Variants in YIPF4 observed in about 807,000 individuals in gnomAD.
YIPF4 encodes the protein Yip1 domain family member 4.
Under a neutral mutation model 29.4 loss-of-function variants are expected in YIPF4, and 18 were observed. The observed-to-expected ratio is 0.61, with a 90% CI of 0.42 to 0.91. The LOEUF (loss-of-function observed/expected upper bound fraction) is 0.91. YIPF4 is among the 40% of genes least tolerant of loss of function. The pLI is 0.00. For missense variants in YIPF4, 279 were observed against 282.7 expected (o/e 0.99, Z 0.09); for synonymous variants, 115 against 104.7 (o/e 1.10, Z -0.60).
Position 32,298,222 on chromosome 2 carries a change from T to A in YIPF4, c.406-12T>A. On this transcript the variant is annotated splice_polypyrimidine_tract_variant and intron_variant, in intron 3 of 5. Transcript: ENST00000238831. ...GTATAAAAATATTAATTGCATGATT[T>A]TTCCCCCTAAGGTGGTCTCATGGAT... The A allele has an allele frequency of 6.3e-7, 1 of 1,578,946 alleles. No individual in the cohort carries two copies. The highest frequency in any genetic ancestry group is 8.6e-7 in the Non-Finnish European group (1 of 1,156,298).
chr2:32,281,801 A>G (rs558531867), intron 1 of YIPF4, among the ~76,000 whole-genome samples: 2 of 150,900 alleles, frequency 1.3e-5, no homozygotes, highest in South Asian at 4.2e-4. Flanking sequence ...AGGCTGAGGC[A>G]GGAGAATCAC....
intron 1 of YIPF4, among the ~76,000 whole-genome samples, chr2:32,283,074 C>CAAA (rs78012507): frequency 1.5e-5 from 1 of 68,808 alleles, no homozygotes; most frequent in Non-Finnish European, 2.9e-5. Context: ...GAGACTGTCT[C>CAAA]AAAAAAAAAA....
chr2:32,281,250 T>G (rs1004577193), intron 1 of YIPF4, among the ~76,000 whole-genome samples: 3 of 151,680 alleles, frequency 2.0e-5, no homozygotes, highest in Admixed American at 6.6e-5. Context: ...TTTTTTTTTT[T>G]CCTTTTTTGA....
chr2:32,293,823 G>A lies in YIPF4; in HGVS notation c.405+1475G>A, dbSNP rs1165831547. On this transcript the variant is annotated intron_variant, in intron 3 of 5. Coordinates refer to ENST00000238831, the MANE Select transcript of YIPF4 (RefSeq NM_032312.4). ...AGGCGCCCCTCACCTCCCGGACGGG[G>A]CGGCTGGCCAGGCGGGGGGCTGACC... Among the ~76,000 whole-genome samples, 13 of 148,738 alleles carry A rather than the reference G, an allele frequency of 8.7e-5. 1 individual carries two copies. The highest frequency in any genetic ancestry group is 3.2e-4 in the African/African-American group (13 of 40,252).
intron 1 of YIPF4, among the ~76,000 whole-genome samples, chr2:32,287,651 C>G (rs1480802933): frequency 6.6e-6 from 1 of 152,118 alleles, no homozygotes; most frequent in Non-Finnish European, 1.5e-5. Context: ...AGAAAGGACC[C>G]CATACCCAGT....
At chr2:32,278,733 C>G (rs1044535500) in intron 1 of YIPF4, among the ~76,000 whole-genome samples, 3 of 152,038 alleles carry the variant, frequency 2.0e-5, no homozygotes, top group Non-Finnish European at 4.4e-5. Context: ...ATGTCTTGCC[C>G]GAGTCCCCGT....
chr2:32,295,059 G>A (rs1056006431), intron 3 of YIPF4, among the ~76,000 whole-genome samples: 1 of 151,698 alleles, frequency 6.6e-6, no homozygotes, highest in Non-Finnish European at 1.5e-5. Context: ...AGAGGGGGAG[G>A]GGGAGGGGGA....
At position 32,309,111 on chromosome 2, in the gene YIPF4, T is replaced by G. The variant is rs1057309390; in HGVS notation, c.*3485T>G. 9 of 152,254 alleles carry G rather than the reference T, an allele frequency of 5.9e-5. No individual in the cohort carries two copies. In the South Asian group the frequency reaches 1.7e-3, roughly 28 times the overall value. The allele number at this position is 152,254 out of a possible 1,614,324, so 9.4% of individuals were successfully genotyped here. The stretch of plus-strand genomic sequence containing the variant: ...AGTAGTTTAGGAAGATTTGTAAAGC[T>G]TATGAACCATTGTAAAACCTTATTT... On this transcript the variant is annotated 3_prime_UTR_variant, in exon 6 of 6. Coordinates refer to ENST00000238831, the MANE Select transcript of YIPF4 (RefSeq NM_032312.4).
rs915091340 is a variant in YIPF4 at position 32,301,936 on chromosome 2, C to A, written c.597+441C>A. Among the ~76,000 whole-genome samples, 10 of 152,244 alleles carry A rather than the reference C, an allele frequency of 6.6e-5. No homozygotes were observed. The East Asian group carries it at 1.5e-3, about 23-fold the overall frequency. On this transcript the variant is annotated intron_variant, in intron 5 of 5. Transcript: ENST00000238831. ...GCCAGACTGGTCTTGAACTCCTGAC[C>A]TCAGGTGATCTGCCTGCCTTGGCCT...
intron 4 of YIPF4, among the ~76,000 whole-genome samples, chr2:32,300,790 G>T (rs1470274967): frequency 6.6e-6 from 1 of 152,166 alleles, no homozygotes; most frequent in Non-Finnish European, 1.5e-5. Context: ...GCTTTCCGGA[G>T]CAAAGCAGTG....
rs188099683 is a variant in YIPF4, at chr2:32,279,293, T to A, written c.79+1059T>A. On this transcript the variant is annotated intron_variant, in intron 1 of 5. Transcript: ENST00000238831. ...GGCCATTTTCAAATTTTTATTACAC[T>A]TCGTGCACCAGTTATTTTCCAGTGA... Among the ~76,000 whole-genome samples the A allele has an allele frequency of 7.4e-3, 1,125 of 151,460 alleles. 14 individuals carry two copies. The highest frequency in any genetic ancestry group is 0.026 in the African/African-American group (1,080 of 41,330).
chr2:32,297,786 T>C (rs577063855), intron 3 of YIPF4, among the ~76,000 whole-genome samples: 1 of 152,294 alleles, frequency 6.6e-6, no homozygotes, highest in East Asian at 1.9e-4. Flanking sequence ...AATATATGTA[T>C]GTATTGTTAC....
intron 5 of YIPF4, 82 bp from the exon 6 acceptor site, chr2:32,305,407 A>G (rs541179799): frequency 2.2e-6 from 3 of 1,365,006 alleles, no homozygotes; most frequent in Non-Finnish European, 2.9e-6. Context: ...AATATTGTAA[A>G]CACCATTTTT....
chr2:32,289,981 A>T (rs927473959), intron 1 of YIPF4, among the ~76,000 whole-genome samples: 1 of 152,212 alleles, frequency 6.6e-6, no homozygotes. Flanking sequence ...AAATGAAAGA[A>T]TATATGAATA....
intron 5 of YIPF4, 138 bp from the exon 6 acceptor site, chr2:32,305,351 G>C: frequency 1.0e-6 from 1 of 1,004,458 alleles, no homozygotes; most frequent in Non-Finnish European, 1.3e-6. Context: ...TTTAACATTT[G>C]TAACAAGTTT....
chr2:32,290,522 A>G lies in YIPF4; in HGVS notation c.119A>G (p.Asn40Ser). 1.3e-6 allele frequency: 2 copies of G among 1,578,552 alleles called. No homozygotes were observed. The highest frequency in any genetic ancestry group is 2.3e-5 in the South Asian group (2 of 85,428). ...GSIASPDVKLNLGGDFIKEST... is the reference protein window; with the variant it reads ...GSIASPDVKLSLGGDFIKEST... ...ATAGCATCCCCAGATGTCAAATTAA[A>G]TCTTGGTGGAGATTTTATCAAAGAA... The change falls in exon 2 of 6, where the codon AAT becomes AGT. Residue 40 changes from asparagine (N) to serine (S), a missense_variant. Asn to Ser is a conservative substitution (Grantham distance 46). Coordinates refer to ENST00000238831, the MANE Select transcript of YIPF4 (RefSeq NM_032312.4).
In YIPF4 at chr2:32,311,229, G is replaced by C. The variant is rs186495979; in HGVS notation, c.*5603G>C. ...TACATTTTATTTATAACAAACTGGTGAAAATTTTAGACCAAACCATGTCTT... is the reference window on the plus strand; with the variant it reads ...TACATTTTATTTATAACAAACTGGTCAAAATTTTAGACCAAACCATGTCTT... On this transcript the variant is annotated 3_prime_UTR_variant, in exon 6 of 6. Transcript: ENST00000238831. 2 of 152,288 alleles carry C rather than the reference G, an allele frequency of 1.3e-5. No homozygotes were observed. Among genetic ancestry groups the C allele is most frequent in the East Asian group, 3.9e-4 (2 of 5,174 alleles). The allele number at this position is 152,288 out of a possible 1,614,324, so 9.4% of individuals were successfully genotyped here. A position where few individuals can be genotyped will look rare whatever the true frequency, so the allele number is the denominator to read the frequency against.
Position 32,307,024 on chromosome 2 carries a change from T to C in YIPF4, c.*1398T>C. The C allele has an allele frequency of 1.0e-6, 1 of 967,802 alleles. No homozygotes were observed. Among genetic ancestry groups the C allele is most frequent in the Non-Finnish European group, 1.4e-6 (1 of 721,070 alleles). 60.0% of individuals were successfully genotyped at this position (967,802 alleles called of 1,614,324 possible). On this transcript the variant is annotated 3_prime_UTR_variant, in exon 6 of 6. Transcript: ENST00000238831. ...AAAAGGAAAGAAAGAAAAACTTATTTTAAGCTGCAGAAAAAGTGTGGAGCA... is the reference window on the plus strand; with the variant it reads ...AAAAGGAAAGAAAGAAAAACTTATTCTAAGCTGCAGAAAAAGTGTGGAGCA...
At chr2:32,288,122 C>CT (rs1330020094) in intron 1 of YIPF4, among the ~76,000 whole-genome samples, 1 of 152,028 alleles carries the variant, frequency 6.6e-6, no homozygotes, top group Non-Finnish European at 1.5e-5. Flanking sequence ...ATTTTTTGGA[C>CT]TTTCCTGTTC....
Sources: allele counts gnomAD v4.1 joint callset (sites outside exome capture counted in the v4.1 genomes callset), GRCh38; gene constraint gnomAD v4.1.1; transcripts MANE v1.5; gene names NCBI Gene and HGNC (gene_info 2026-07-23, HGNC 2026-07-21).